Variants in LRBA observed in about 807,000 individuals in gnomAD.
LRBA encodes the protein lipopolysaccharide-responsive and beige-like anchor protein.
In LRBA, 176 loss-of-function variants were observed where a neutral mutation model predicts 330.0. The ratio of observed to expected loss-of-function variants is 0.53; its 90% CI spans 0.47 to 0.60. The LOEUF (loss-of-function observed/expected upper bound fraction) is 0.60. Ranked by LOEUF, LRBA falls within the 20% of genes least tolerant of loss-of-function variation. LRBA has a pLI of 0.00. For missense variants in LRBA, 3,259 were observed against 3,444.8 expected (o/e 0.95, Z 1.35); for synonymous variants, 1,230 against 1,193.0 (o/e 1.03, Z -0.64).
chr4:150,494,606 T>G (rs1759350745), intron 40 of LRBA, among the ~76,000 whole-genome samples: 2 of 152,348 alleles, frequency 1.3e-5, no homozygotes, highest in South Asian at 4.1e-4. Flanking sequence ...ACCATTTATA[T>G]TCCATTCCCT....
chr4:150,322,057 T>C (rs955988464), intron 49 of LRBA, among the ~76,000 whole-genome samples: 13 of 152,132 alleles, frequency 8.5e-5, no homozygotes, highest in African/African-American at 3.1e-4. Flanking sequence ...ACACTGCCTA[T>C]TGTAATGCAA....
chr4:150,406,997 G>A (rs1478572824), intron 47 of LRBA, among the ~76,000 whole-genome samples: 1 of 152,118 alleles, frequency 6.6e-6, no homozygotes, highest in Non-Finnish European at 1.5e-5. Context: ...CGCCAGGCTG[G>A]TCTTGACCTC....
At chr4:150,332,435 T>C (rs1734109524) in intron 48 of LRBA, among the ~76,000 whole-genome samples, 2 of 152,156 alleles carry the variant, frequency 1.3e-5, no homozygotes, top group South Asian at 2.1e-4. Flanking sequence ...TAATTACTGG[T>C]TTAATTTTCC....
intron 36 of LRBA, chr4:150,721,491 A>G (rs1728924733): frequency 8.2e-6 from 2 of 245,198 alleles, no homozygotes; most frequent in South Asian, 6.0e-5. Flanking sequence ...CCAAAAAAGA[A>G]AAGACTCCTA....
intron 37 of LRBA, among the ~76,000 whole-genome samples, chr4:150,648,273 G>T (rs936223436): frequency 1.3e-5 from 2 of 150,160 alleles, no homozygotes; most frequent in Non-Finnish European, 3.0e-5. Flanking sequence ...AACAAAAATT[G>T]TAATACAGTG....
chr4:150,408,443 TG>T (rs1189478695), intron 47 of LRBA, among the ~76,000 whole-genome samples: 1 of 152,170 alleles, frequency 6.6e-6, no homozygotes, highest in Non-Finnish European at 1.5e-5. Context: ...GCGTCAGTGG[TG>T]AATTCCACCA....
chr4:150,781,598 T>C (rs534087526), intron 34 of LRBA, among the ~76,000 whole-genome samples: 2 of 152,200 alleles, frequency 1.3e-5, no homozygotes, highest in Non-Finnish European at 2.9e-5. Context: ...AAACCATTGT[T>C]TGATCTACAA....
chr4:150,839,045 GA>G (rs1248141472), intron 28 of LRBA, among the ~76,000 whole-genome samples: 2 of 151,842 alleles, frequency 1.3e-5, no homozygotes, highest in East Asian at 1.9e-4. Context: ...AAATTTACAA[GA>G]AAAAAACAAC....
At chr4:150,893,687 G>GT (rs1343613305) in intron 16 of LRBA, among the ~76,000 whole-genome samples, 2 of 151,622 alleles carry the variant, frequency 1.3e-5, no homozygotes, top group Non-Finnish European at 2.9e-5. Context: ...TTTGTTTTTT[G>GT]TTTTTTGAGA....
intron 21 of LRBA, 109 bp from the exon 22 acceptor site, chr4:150,867,972 G>T: frequency 2.0e-6 from 2 of 994,508 alleles, no homozygotes; most frequent in Admixed American, 2.8e-5. Flanking sequence ...CCCCGAAAAA[G>T]AAACACATTT....
intron 37 of LRBA, among the ~76,000 whole-genome samples, chr4:150,676,827 T>C (rs903561217): frequency 3.9e-5 from 6 of 152,214 alleles, no homozygotes; most frequent in Non-Finnish European, 8.8e-5. Flanking sequence ...TCTAGTTATC[T>C]GCTGAATCTC....
At chr4:150,697,325 GAAAAAA>G (rs60145657) in intron 36 of LRBA, among the ~76,000 whole-genome samples, 628 of 28,030 alleles carry the variant, frequency 0.022, 5 homozygotes, top group African/African-American at 0.074. Context: ...CTTTGTCTCA[GAAAAAA>G]AAAAAAAAAA....
At chr4:150,899,814 A>C (rs1048142941) in intron 14 of LRBA, among the ~76,000 whole-genome samples, 2 of 152,080 alleles carry the variant, frequency 1.3e-5, no homozygotes, top group Admixed American at 6.6e-5. Context: ...TAGCTCCCCA[A>C]ACAACTCACA....
At chr4:150,330,435 A>G (rs1733836398) in intron 48 of LRBA, among the ~76,000 whole-genome samples, 1 of 152,146 alleles carries the variant, frequency 6.6e-6, no homozygotes, top group Non-Finnish European at 1.5e-5. Context: ...ACTACACTAT[A>G]AGGCACTGGT....
intron 37 of LRBA, among the ~76,000 whole-genome samples, chr4:150,681,583 T>C (rs1783062111): frequency 6.6e-6 from 1 of 152,204 alleles, no homozygotes; most frequent in Non-Finnish European, 1.5e-5. Flanking sequence ...ATGTGCTTTG[T>C]TACATATTGT....
intron 5 of LRBA, among the ~76,000 whole-genome samples, chr4:150,919,495 A>G (rs1216551509): frequency 2.0e-5 from 3 of 152,238 alleles, no homozygotes; most frequent in Non-Finnish European, 4.4e-5. Flanking sequence ...ATAAAACATG[A>G]AAGACATCAT....
intron 44 of LRBA, among the ~76,000 whole-genome samples, chr4:150,454,097 A>T (rs1753740110): frequency 6.6e-6 from 1 of 152,078 alleles, no homozygotes; most frequent in Non-Finnish European, 1.5e-5. Context: ...AGTAGCTGGG[A>T]TTACAGGCAC....
intron 36 of LRBA, among the ~76,000 whole-genome samples, chr4:150,693,187 AATTAAATGTTG>A (rs768379772): frequency 2.6e-5 from 4 of 152,170 alleles, no homozygotes; most frequent in Non-Finnish European, 5.9e-5. Context: ...GTAAGAAAAT[AATTAAATGTTG>A]GAAACATAAT....
chr4:150,315,477 G>T, intron 51 of LRBA, 84 bp downstream of exon 51: 3 of 1,128,196 alleles, frequency 2.7e-6, no homozygotes, highest in Non-Finnish European at 2.7e-6. Flanking sequence ...CCAGCAACCA[G>T]CAAGTGAAAA....
Sources: gnomAD v4.1 joint callset for allele counts (sites outside exome capture counted in the v4.1 genomes callset) on GRCh38, gnomAD v4.1.1 for gene constraint, MANE v1.5 for transcripts, NCBI Gene and HGNC (gene_info 2026-07-23, HGNC 2026-07-21) for gene names.